Variants in MAMDC2 observed in about 807,000 individuals in gnomAD.
MAMDC2 encodes the protein MAM domain-containing protein 2.
Under a neutral mutation model 89.8 loss-of-function variants are expected in MAMDC2, and 57 were observed. The ratio of observed to expected loss-of-function variants is 0.63; its 90% confidence interval spans 0.51 to 0.79. MAMDC2 has a LOEUF of 0.79. MAMDC2 is among the 30% of genes least tolerant of loss of function. MAMDC2 has a pLI of 0.00. For missense variants in MAMDC2, 800 were observed against 820.6 expected (o/e 0.97, Z 0.31); for synonymous variants, 313 against 293.4 (o/e 1.07, Z -0.68).
chr9:70,123,204 T>C (rs1370688392), intron 5 of MAMDC2, among the ~76,000 whole-genome samples: 1 of 152,246 alleles, frequency 6.6e-6, no homozygotes, highest in African/African-American at 2.4e-5. Flanking sequence ...TAAGTCATGT[T>C]ACAAAGAGCA....
At position 70,137,779 on chromosome 9, in the gene MAMDC2, C is replaced by T. The variant is rs11141778; in HGVS notation, c.995-2366C>T. On this transcript the variant is annotated intron_variant, in intron 7 of 13. Coordinates refer to ENST00000377182, the MANE Select transcript of MAMDC2 (RefSeq NM_153267.5). ...TATGTCAGCATTCAGACAAGAATCA[C>T]ACTTGGCTGCACCGACTGTATCCCA... Among the ~76,000 whole-genome samples the T allele has an allele frequency of 2.2e-3, 336 of 152,286 alleles. 4 individuals carry two copies. Among genetic ancestry groups the T allele is most frequent in the African/African-American group, 7.3e-3 (302 of 41,566 alleles).
chr9:70,204,573 G>A (rs1364318948), intron 11 of MAMDC2, among the ~76,000 whole-genome samples: 1 of 150,654 alleles, frequency 6.6e-6, no homozygotes, highest in Non-Finnish European at 1.5e-5. Flanking sequence ...TTGAGCTGTG[G>A]TGGGCTCCAC....
At chr9:70,059,931 G>A (rs118037048) in intron 2 of MAMDC2, among the ~76,000 whole-genome samples, 276 of 152,244 alleles carry the variant, frequency 1.8e-3, no homozygotes, top group Non-Finnish European at 2.8e-3. Context: ...ATGCATGTCT[G>A]GAACCCTCTT....
intron 11 of MAMDC2, among the ~76,000 whole-genome samples, chr9:70,204,559 C>T (rs1254499085): frequency 1.3e-5 from 2 of 150,524 alleles, no homozygotes; most frequent in African/African-American, 4.9e-5. Flanking sequence ...GCAGGCAGGC[C>T]TCCTTGAGCT....
At chr9:70,079,543 G>A (rs1018480495) in intron 2 of MAMDC2, among the ~76,000 whole-genome samples, 2 of 152,126 alleles carry the variant, frequency 1.3e-5, no homozygotes. Flanking sequence ...TGGTCTGCTG[G>A]GGGGTTATGA....
chr9:70,068,720 C>T (rs1157928022), intron 2 of MAMDC2, among the ~76,000 whole-genome samples: 1 of 61,738 alleles, frequency 1.6e-5, no homozygotes, highest in African/African-American at 5.6e-5. Context: ...AGACTCCCTC[C>T]ATCACAAAAA....
intron 9 of MAMDC2, among the ~76,000 whole-genome samples, chr9:70,163,665 G>A (rs1370611029): frequency 6.6e-6 from 1 of 152,032 alleles, no homozygotes; most frequent in East Asian, 1.9e-4. Flanking sequence ...CCAAAAATCA[G>A]GTAACAGATC....
At position 70,226,831 on chromosome 9, in the gene MAMDC2, A is replaced by C. The variant is rs1357406446; in HGVS notation, c.*799A>C. ...GATTTTTATAATAAATATTTTGGTA[A>C]GATTTTGAATAATATGAATTCAGGC... is the stretch of plus-strand genomic sequence containing the variant. On this transcript the variant is annotated 3_prime_UTR_variant, in exon 14 of 14. Transcript: ENST00000377182. 6.6e-6 allele frequency: 1 copy of C among 152,100 alleles called. No individual in the cohort carries two copies. Among genetic ancestry groups the C allele is most frequent in the Non-Finnish European group, 1.5e-5 (1 of 67,938 alleles). The allele number at this position is 152,100 out of a possible 1,614,324, so 9.4% of individuals were successfully genotyped here.
intron 11 of MAMDC2, among the ~76,000 whole-genome samples, chr9:70,180,544 A>G (rs2032623890): frequency 6.6e-6 from 1 of 152,162 alleles, no homozygotes; most frequent in Non-Finnish European, 1.5e-5. Context: ...CTGACTTTTT[A>G]ATGATTGCCA....
At chr9:70,099,470 A>G (rs1485121185) in intron 2 of MAMDC2, among the ~76,000 whole-genome samples, 3 of 152,186 alleles carry the variant, frequency 2.0e-5, no homozygotes, top group Non-Finnish European at 2.9e-5. Context: ...TCCACGATAG[A>G]AATCTGTTCT....
At chr9:70,166,370 G>T (rs1157507805) in intron 9 of MAMDC2, among the ~76,000 whole-genome samples, 1 of 146,028 alleles carries the variant, frequency 6.8e-6, no homozygotes, top group Non-Finnish European at 1.5e-5. Flanking sequence ...TATAAATATA[G>T]AAAGAAGGGG....
intron 2 of MAMDC2, among the ~76,000 whole-genome samples, chr9:70,060,991 GA>G (rs2118029845): frequency 6.6e-6 from 1 of 152,120 alleles, no homozygotes; most frequent in African/African-American, 2.4e-5. Flanking sequence ...AAGCAGTTGG[GA>G]AAAAGAAAGC....
At chr9:70,048,113 C>T (rs1464108011) in intron 2 of MAMDC2, among the ~76,000 whole-genome samples, 2 of 152,168 alleles carry the variant, frequency 1.3e-5, no homozygotes, top group African/African-American at 4.8e-5. Context: ...TCATTTTGCC[C>T]ATGGTTGTCC....
At chr9:70,212,994 G>C (rs2033385892) in intron 11 of MAMDC2, among the ~76,000 whole-genome samples, 1 of 152,162 alleles carries the variant, frequency 6.6e-6, no homozygotes, top group African/African-American at 2.4e-5. Context: ...AACCAGACTA[G>C]TGCTTCACCC....
At chr9:70,137,189 A>G (rs1016820567) in intron 7 of MAMDC2, among the ~76,000 whole-genome samples, 4 of 152,224 alleles carry the variant, frequency 2.6e-5, no homozygotes, top group Admixed American at 6.5e-5. Context: ...TTAATTTTCT[A>G]TCATTTCAAA....
At chr9:70,128,728 C>CT (rs2030672456) in intron 6 of MAMDC2, among the ~76,000 whole-genome samples, 1 of 152,138 alleles carries the variant, frequency 6.6e-6, no homozygotes, top group Non-Finnish European at 1.5e-5. Flanking sequence ...GTGATCTTGG[C>CT]TCACTGCAAC....
intron 11 of MAMDC2, among the ~76,000 whole-genome samples, chr9:70,171,526 T>C (rs1012726635): frequency 1.3e-5 from 2 of 152,112 alleles, no homozygotes; most frequent in African/African-American, 4.8e-5. Flanking sequence ...AATTAAAAAG[T>C]ACCTTCCATA....
chr9:70,163,913 C>A (rs2032075704), intron 9 of MAMDC2, among the ~76,000 whole-genome samples: 1 of 141,220 alleles, frequency 7.1e-6, no homozygotes, highest in African/African-American at 2.6e-5. Flanking sequence ...AAGATCACAC[C>A]ACTGTACTCC....
intron 12 of MAMDC2, among the ~76,000 whole-genome samples, chr9:70,219,802 CTAATA>C: frequency 6.6e-6 from 1 of 152,274 alleles, no homozygotes; most frequent in Admixed American, 6.5e-5. Context: ...CAGGAACTTA[CTAATA>C]TAATTGATCA....
Sources: gnomAD v4.1 joint callset for allele counts (sites outside exome capture counted in the v4.1 genomes callset) on GRCh38, gnomAD v4.1.1 for gene constraint, MANE v1.5 for transcripts, NCBI Gene and HGNC (gene_info 2026-07-23, HGNC 2026-07-21) for gene names.